The following MAF variants were observed in gnomAD, a reference collection of about 807,000 sequenced individuals.
MAF encodes the protein transcription factor Maf.
In MAF, 10 loss-of-function variants were observed where a neutral mutation model predicts 22.0. The ratio of observed to expected loss-of-function variants is 0.45; its 90% CI spans 0.28 to 0.77. MAF has a LOEUF of 0.77. Among genes scored for constraint, MAF ranks in the 30% least tolerant of loss-of-function variants. The pLI is 0.12. For synonymous variants in MAF, 337 were observed against 255.8 expected (o/e 1.32, Z -3.03); for missense variants, 544 against 548.4 (o/e 0.99, Z 0.08).
chr16:79,584,364 T>C (rs185324392), downstream of MAF, among the ~76,000 whole-genome samples: 1 of 152,284 alleles, frequency 6.6e-6, no homozygotes, highest in African/African-American at 2.4e-5. Context: ...GCTTATAATA[T>C]CTAATATCAC....
the MAF span, among the ~76,000 whole-genome samples, chr16:79,539,661 G>A: frequency 6.6e-6 from 1 of 152,178 alleles, no homozygotes. Context: ...GAAAAATGGA[G>A]ACAATCTAAA....
the MAF span, among the ~76,000 whole-genome samples, chr16:79,566,910 G>A: frequency 2.0e-5 from 3 of 152,310 alleles, no homozygotes; most frequent in Non-Finnish European, 2.9e-5. Context: ...CCAGAAAAAT[G>A]GACTTGGATA....
At chr16:79,230,057 C>T in the MAF span, among the ~76,000 whole-genome samples, 1 of 152,020 alleles carries the variant, frequency 6.6e-6, no homozygotes, top group Non-Finnish European at 1.5e-5. Flanking sequence ...AGGTAAATAT[C>T]GATCACTGAG....
At chr16:79,364,596 C>A in the MAF span, among the ~76,000 whole-genome samples, 6 of 152,358 alleles carry the variant, frequency 3.9e-5, no homozygotes, top group Middle Eastern at 3.4e-3. Context: ...TGTTTTCCAA[C>A]TACAAATCAT....
the MAF span, among the ~76,000 whole-genome samples, chr16:79,365,500 G>C: frequency 1.3e-5 from 2 of 152,136 alleles, no homozygotes; most frequent in African/African-American, 2.4e-5. Flanking sequence ...CTGATTGGTG[G>C]ATGATCTCTT....
intron 1 of MAF, among the ~76,000 whole-genome samples, chr16:79,586,755 A>G (rs75057123): frequency 0.027 from 4,175 of 152,284 alleles, 188 homozygotes; most frequent in African/African-American, 0.095. Flanking sequence ...TTTAATAACA[A>G]AGCAGACCTG....
chr16:79,565,087 A>G, the MAF span, among the ~76,000 whole-genome samples: 1 of 152,130 alleles, frequency 6.6e-6, no homozygotes, highest in Non-Finnish European at 1.5e-5. Flanking sequence ...CTACCCTTGG[A>G]CTTCTTACGG....
chr16:79,242,076 C>A, the MAF span, among the ~76,000 whole-genome samples: 2 of 151,980 alleles, frequency 1.3e-5, no homozygotes, highest in Admixed American at 6.6e-5. Context: ...TGGTACCAGT[C>A]AATGCAAAAA....
chr16:79,303,464 C>G, the MAF span, among the ~76,000 whole-genome samples: 2 of 152,178 alleles, frequency 1.3e-5, no homozygotes, highest in African/African-American at 4.8e-5. Context: ...AGCAATTCTT[C>G]AAGAATGATC....
chr16:79,353,367 G>T, the MAF span, among the ~76,000 whole-genome samples: 1 of 152,172 alleles, frequency 6.6e-6, no homozygotes, highest in Admixed American at 6.5e-5. Flanking sequence ...AAGCTCAAGT[G>T]ATCCGCCTGC....
the MAF span, among the ~76,000 whole-genome samples, chr16:79,462,520 C>G: frequency 1.5e-4 from 23 of 152,202 alleles, no homozygotes; most frequent in African/African-American, 5.5e-4. Context: ...TCTTTCTGGA[C>G]TCACCTCTTG....
the MAF span, among the ~76,000 whole-genome samples, chr16:79,550,611 A>G: frequency 2.6e-5 from 4 of 152,308 alleles, no homozygotes; most frequent in South Asian, 4.1e-4. Context: ...CCTGGCAGAC[A>G]GGATCATCCT....
At chr16:79,276,921 G>A in the MAF span, among the ~76,000 whole-genome samples, 5 of 152,092 alleles carry the variant, frequency 3.3e-5, no homozygotes, top group African/African-American at 2.4e-5. Context: ...GTCTGGTGGC[G>A]GCGGGCAATC....
the MAF span, among the ~76,000 whole-genome samples, chr16:79,551,229 C>T: frequency 6.6e-6 from 1 of 152,048 alleles, no homozygotes; most frequent in African/African-American, 2.4e-5. Context: ...AGTCAGACTC[C>T]CCACTGGAGT....
the MAF span, among the ~76,000 whole-genome samples, chr16:79,456,037 A>T: frequency 6.6e-6 from 1 of 152,224 alleles, no homozygotes; most frequent in African/African-American, 2.4e-5. Flanking sequence ...ATATTAAAAA[A>T]ATAAATAAAA....
At chr16:79,236,647 C>T in the MAF span, among the ~76,000 whole-genome samples, 2 of 152,036 alleles carry the variant, frequency 1.3e-5, no homozygotes, top group Non-Finnish European at 2.9e-5. Flanking sequence ...TGAGGCCAGG[C>T]TACAAGGCTA....
the MAF span, among the ~76,000 whole-genome samples, chr16:79,347,067 C>G: frequency 6.6e-6 from 1 of 152,164 alleles, no homozygotes; most frequent in African/African-American, 2.4e-5. Flanking sequence ...TAACCCAGCA[C>G]CTAGTAGGGG....
At chr16:79,455,780 G>A in the MAF span, among the ~76,000 whole-genome samples, 1 of 152,200 alleles carries the variant, frequency 6.6e-6, no homozygotes, top group African/African-American at 2.4e-5. Context: ...CACTTTGGGG[G>A]ACCAAGGTGG....
At chr16:79,294,001 T>A in the MAF span, among the ~76,000 whole-genome samples, 1 of 152,164 alleles carries the variant, frequency 6.6e-6, no homozygotes, top group Non-Finnish European at 1.5e-5. Flanking sequence ...ACAGATTTGC[T>A]GTAATAAGGT....
Sources: gnomAD v4.1 joint callset for allele counts (sites outside exome capture counted in the v4.1 genomes callset) on GRCh38, gnomAD v4.1.1 for gene constraint, MANE v1.5 for transcripts, NCBI Gene and HGNC (gene_info 2026-07-23, HGNC 2026-07-21) for gene names.